The following LRP1B variants were observed in gnomAD, a reference collection of about 807,000 sequenced individuals.
LRP1B encodes the protein LDL receptor related protein 1B.
LRP1B carries 217 observed loss-of-function variants against 556.6 expected under a neutral mutation model. The observed-to-expected ratio is 0.39, with a 90% confidence interval of 0.35 to 0.44. The LOEUF is 0.44. Ranked by LOEUF, LRP1B falls within the 20% of genes least tolerant of loss-of-function variation. The pLI is 1.00. For missense variants in LRP1B, 5,053 were observed against 5,620.8 expected, an observed-to-expected ratio of 0.90 and a Z score of 3.23; for synonymous variants, 2,047 against 1,865.8, an observed-to-expected ratio of 1.10 and a Z score of -2.50.
At chr2:141,523,185 G>A (rs184285503) in intron 2 of LRP1B, among the ~76,000 whole-genome samples, 24 of 152,236 alleles carry the variant, frequency 1.6e-4, no homozygotes, top group Admixed American at 1.6e-3. Context: ...GGGCATGAAA[G>A]AGAAATGATT....
intron 41 of LRP1B, among the ~76,000 whole-genome samples, chr2:140,672,381 A>C (rs978359823): frequency 6.6e-6 from 1 of 150,986 alleles, no homozygotes; most frequent in Non-Finnish European, 1.5e-5. Flanking sequence ...CTACTCAGGA[A>C]GCTGAGGCAG....
intron 20 of LRP1B, among the ~76,000 whole-genome samples, chr2:140,947,697 T>G (rs2105295564): frequency 6.6e-6 from 1 of 152,322 alleles, no homozygotes; most frequent in Non-Finnish European, 1.5e-5. Context: ...TTGAATTGTC[T>G]TTTACCAAAG....
At chr2:141,112,812 A>G (rs1424626670) in intron 7 of LRP1B, among the ~76,000 whole-genome samples, 3 of 152,240 alleles carry the variant, frequency 2.0e-5, no homozygotes, top group Admixed American at 2.0e-4. Flanking sequence ...CTGTATTTGA[A>G]AAAGGCAAAT....
intron 1 of LRP1B, among the ~76,000 whole-genome samples, chr2:141,907,621 C>T (rs1384766616): frequency 6.6e-6 from 1 of 151,920 alleles, no homozygotes; most frequent in African/African-American, 2.4e-5. Flanking sequence ...GGAGAGGCTA[C>T]ATTTGGTTAA....
At chr2:141,369,345 G>T (rs146323595) in intron 3 of LRP1B, among the ~76,000 whole-genome samples, 11 of 152,142 alleles carry the variant, frequency 7.2e-5, no homozygotes, top group East Asian at 1.9e-4. Context: ...ATAGGTGAAA[G>T]AATTTTTAAG....
At chr2:141,672,972 A>T (rs1189611659) in intron 2 of LRP1B, among the ~76,000 whole-genome samples, 1 of 152,164 alleles carries the variant, frequency 6.6e-6, no homozygotes, top group Non-Finnish European at 1.5e-5. Context: ...ACTTGTACTC[A>T]GAAGTCTCCT....
chr2:140,868,061 TAAA>T (rs565764708), intron 26 of LRP1B, 35 bp downstream of exon 26: 9 of 1,198,974 alleles, frequency 7.5e-6, no homozygotes, highest in Non-Finnish European at 1.0e-5. Context: ...ATTATCTAAG[TAAA>T]AAAAAAAATA....
chr2:140,959,196 A>T (rs1171480026), intron 18 of LRP1B, among the ~76,000 whole-genome samples: 1 of 151,636 alleles, frequency 6.6e-6, no homozygotes, highest in Non-Finnish European at 1.5e-5. Flanking sequence ...TTTCCAGGAA[A>T]TCTGAATGTG....
intron 2 of LRP1B, among the ~76,000 whole-genome samples, chr2:141,504,115 T>C (rs1005925711): frequency 1.3e-5 from 2 of 152,138 alleles, no homozygotes; most frequent in Non-Finnish European, 2.9e-5. Context: ...TGATAAATAA[T>C]TTCTGCTTGC....
At chr2:141,159,565 C>T (rs994128506) in intron 7 of LRP1B, among the ~76,000 whole-genome samples, 5 of 151,900 alleles carry the variant, frequency 3.3e-5, no homozygotes, top group African/African-American at 9.6e-5. Flanking sequence ...ATGAGAGATC[C>T]GAGGGTAATT....
At chr2:141,639,878 T>C (rs971486363) in intron 2 of LRP1B, among the ~76,000 whole-genome samples, 4 of 152,132 alleles carry the variant, frequency 2.6e-5, no homozygotes, top group African/African-American at 7.2e-5. Flanking sequence ...ACAAATGACA[T>C]TGCTACAACC....
chr2:140,436,636 T>C (rs1686196557), intron 66 of LRP1B, among the ~76,000 whole-genome samples: 1 of 150,520 alleles, frequency 6.6e-6, no homozygotes, highest in Admixed American at 6.7e-5. Flanking sequence ...AAATTGCCAG[T>C]GTGAGAAGTA....
At chr2:141,543,518 CAAAA>C (rs377085694) in intron 2 of LRP1B, among the ~76,000 whole-genome samples, 12 of 91,264 alleles carry the variant, frequency 1.3e-4, no homozygotes, top group Non-Finnish European at 1.8e-4. Flanking sequence ...GACCCTGTCT[CAAAA>C]AAAAAAAAAA....
intron 6 of LRP1B, among the ~76,000 whole-genome samples, chr2:141,224,065 G>A (rs1251126960): frequency 1.3e-5 from 2 of 152,052 alleles, no homozygotes; most frequent in Non-Finnish European, 1.5e-5. Context: ...CTTCTGCACA[G>A]TAAAAGAAAC....
At chr2:141,869,103 G>A (rs1205197577) in intron 1 of LRP1B, among the ~76,000 whole-genome samples, 1 of 151,964 alleles carries the variant, frequency 6.6e-6, no homozygotes, top group Non-Finnish European at 1.5e-5. Context: ...TCAGTGTTTG[G>A]ACCACAATTG....
intron 32 of LRP1B, among the ~76,000 whole-genome samples, chr2:140,807,720 A>C (rs971487862): frequency 6.6e-5 from 10 of 152,146 alleles, no homozygotes; most frequent in African/African-American, 2.2e-4. Context: ...AAAATATCTA[A>C]GAGAAAAGGT....
chr2:140,432,237 T>A (rs1685980310), intron 66 of LRP1B, among the ~76,000 whole-genome samples: 1 of 152,042 alleles, frequency 6.6e-6, no homozygotes, highest in Admixed American at 6.5e-5. Context: ...AACCCCCCTT[T>A]GACTGTAATT....
At chr2:141,822,616 A>C (rs1696791537) in intron 1 of LRP1B, among the ~76,000 whole-genome samples, 1 of 152,144 alleles carries the variant, frequency 6.6e-6, no homozygotes, top group Non-Finnish European at 1.5e-5. Context: ...GAAATCTCCT[A>C]TCTATTATGC....
intron 2 of LRP1B, among the ~76,000 whole-genome samples, chr2:141,712,490 C>T (rs891130675): frequency 6.6e-6 from 1 of 152,044 alleles, no homozygotes; most frequent in Admixed American, 6.6e-5. Context: ...GGATCCTGAG[C>T]AAGCCACCAT....
Sources: allele counts gnomAD v4.1 joint callset (sites outside exome capture counted in the v4.1 genomes callset), GRCh38; gene constraint gnomAD v4.1.1; transcripts MANE v1.5; gene names NCBI Gene and HGNC (gene_info 2026-07-23, HGNC 2026-07-21).